Variants in CLNK observed in about 807,000 individuals in gnomAD.
The protein encoded by CLNK is cytokine dependent hematopoietic cell linker, also known as cytokine-dependent hematopoietic cell linker.
CLNK carries 74 observed loss-of-function variants against 68.6 expected under a neutral mutation model. That is an observed-to-expected ratio of 1.08 (90% CI 0.89 to 1.31). The LOEUF (loss-of-function observed/expected upper bound fraction) is 1.31, where lower values mean the gene tolerates loss of function less well. CLNK is among the 50% of genes most tolerant of loss of function. The probability of loss-of-function intolerance (pLI) is 0.00; values close to 1 mark genes in which losing one functional copy is unlikely to be tolerated. For synonymous variants in CLNK, 198 were observed against 172.2 expected, an observed-to-expected ratio of 1.15 and a Z score of -1.17; for missense variants, 553 against 515.3, an observed-to-expected ratio of 1.07 and a Z score of -0.71.
chr4:10,574,614 C>G (rs913044085), intron 4 of CLNK, among the ~76,000 whole-genome samples: 1 of 152,134 alleles, frequency 6.6e-6, no homozygotes, highest in Non-Finnish European at 1.5e-5. Flanking sequence ...CAGACCCTCA[C>G]GCCACTCCCT....
chr4:10,507,695 T>C (rs924939340), intron 17 of CLNK, among the ~76,000 whole-genome samples: 1 of 152,092 alleles, frequency 6.6e-6, no homozygotes, highest in African/African-American at 2.4e-5. Flanking sequence ...TTGTTCAGGC[T>C]GGTCTCAAAC....
intron 2 of CLNK, among the ~76,000 whole-genome samples, chr4:10,657,625 C>T (rs998600328): frequency 3.9e-5 from 6 of 152,104 alleles, no homozygotes; most frequent in South Asian, 2.1e-4. Context: ...GTATAATTTC[C>T]GTTATTCACA....
intron 2 of CLNK, 142 bp downstream of exon 2, chr4:10,667,717 A>C: frequency 3.7e-6 from 1 of 272,062 alleles, no homozygotes; most frequent in South Asian, 7.3e-5. Context: ...CAAAGCCCAC[A>C]ATCTCAACCA....
At chr4:10,583,326 G>A (rs139979076) in intron 4 of CLNK, among the ~76,000 whole-genome samples, 11 of 151,578 alleles carry the variant, frequency 7.3e-5, no homozygotes, top group Non-Finnish European at 8.8e-5. Context: ...CGTCCACAGC[G>A]CCCAGGCTGG....
the CLNK span, among the ~76,000 whole-genome samples, chr4:10,707,225 G>A: frequency 1.3e-5 from 2 of 152,048 alleles, no homozygotes; most frequent in East Asian, 3.9e-4. Context: ...AACAATAACT[G>A]ATGAGCTAAA....
chr4:10,513,546 G>T lies in CLNK; in HGVS notation c.824C>A (p.Ala275Asp). ...PCSPQRCQPP[A>D]SCSPHENILP... ...TATATTTTCGTGAGGGCTGCAGCTG[G>T]CTGGAGGCTGGCATCTCTGAGGAGA... The change falls in exon 16 of 19, where the codon GCC becomes GAC. Residue 275 changes from alanine to aspartate, a missense_variant. Coordinates refer to ENST00000226951, the MANE Select transcript of CLNK (RefSeq NM_052964.4). 6.2e-7 allele frequency: 1 copy of T among 1,608,818 alleles called. No homozygotes were observed. Among genetic ancestry groups the T allele is most frequent in the Non-Finnish European group, 8.5e-7 (1 of 1,177,424 alleles).
chr4:10,515,008 G>A (rs933657788), intron 15 of CLNK, among the ~76,000 whole-genome samples: 8 of 152,270 alleles, frequency 5.3e-5, no homozygotes, highest in East Asian at 3.9e-4. Context: ...AGGCCGAGGC[G>A]GGTCGGATCA....
At chr4:10,640,789 A>G (rs1399929769) in intron 2 of CLNK, among the ~76,000 whole-genome samples, 1 of 152,226 alleles carries the variant, frequency 6.6e-6, no homozygotes, top group Non-Finnish European at 1.5e-5. Context: ...TTGCCCAGGA[A>G]CTGTCCTTGT....
At chr4:10,607,682 T>C (rs1488967641) in intron 2 of CLNK, among the ~76,000 whole-genome samples, 1 of 152,172 alleles carries the variant, frequency 6.6e-6, no homozygotes, top group Non-Finnish European at 1.5e-5. Flanking sequence ...GGGACCTTGC[T>C]CAGAGGGTCC....
At chr4:10,596,242 C>T (rs1721380003) in intron 3 of CLNK, among the ~76,000 whole-genome samples, 3 of 152,158 alleles carry the variant, frequency 2.0e-5, no homozygotes, top group Non-Finnish European at 4.4e-5. Flanking sequence ...TCAGGGTGGT[C>T]TCGAACTCCT....
intron 2 of CLNK, among the ~76,000 whole-genome samples, chr4:10,635,430 G>A (rs757713911): frequency 1.3e-5 from 2 of 152,142 alleles, no homozygotes; most frequent in Non-Finnish European, 2.9e-5. Context: ...TAGCTGTACA[G>A]TACGTGCTCT....
At chr4:10,723,059 C>G in the CLNK span, among the ~76,000 whole-genome samples, 1 of 151,918 alleles carries the variant, frequency 6.6e-6, no homozygotes, top group Non-Finnish European at 1.5e-5. Context: ...AAAAAACAAC[C>G]CCTCTAGACA....
At chr4:10,663,154 A>G (rs543819234) in intron 2 of CLNK, among the ~76,000 whole-genome samples, 103 of 152,306 alleles carry the variant, frequency 6.8e-4, no homozygotes, top group Non-Finnish European at 1.0e-3. Flanking sequence ...ACCAAACCCC[A>G]AGATGCCCTT....
the CLNK span, among the ~76,000 whole-genome samples, chr4:10,692,642 T>C: frequency 1.3e-5 from 2 of 152,106 alleles, no homozygotes; most frequent in Non-Finnish European, 2.9e-5. Context: ...CAAGGAAACG[T>C]TTTCAAAATG....
At chr4:10,563,409 C>T (rs1719973851) in intron 7 of CLNK, among the ~76,000 whole-genome samples, 1 of 152,076 alleles carries the variant, frequency 6.6e-6, no homozygotes, top group Non-Finnish European at 1.5e-5. Flanking sequence ...ATACTGAAAG[C>T]CTTTAAAATG....
the CLNK span, among the ~76,000 whole-genome samples, chr4:10,719,708 T>A: frequency 1.3e-5 from 2 of 152,076 alleles, no homozygotes; most frequent in African/African-American, 4.8e-5. Flanking sequence ...AACAAAACCA[T>A]CAACCGTAGC....
Position 10,588,764 on chromosome 4 carries a change from A to C in CLNK, c.84-3809T>G, listed in dbSNP as rs569541956. 3.1e-4 allele frequency among the ~76,000 whole-genome samples: 47 copies of C among 152,280 alleles called. No individual in the cohort carries two copies. The South Asian group carries it at 8.7e-3, about 28-fold the overall frequency. On this transcript the variant is annotated intron_variant, in intron 3 of 18. Coordinates refer to ENST00000226951, the MANE Select transcript of CLNK (RefSeq NM_052964.4). ...TTACATGATACTACTTTTATGATAC[A>C]TCTAAAATAGTCAAACTCATAGAGG...
chr4:10,599,559 G>A (rs1353126646), intron 2 of CLNK, among the ~76,000 whole-genome samples: 1 of 151,764 alleles, frequency 6.6e-6, no homozygotes, highest in Non-Finnish European at 1.5e-5. Flanking sequence ...TCTCTACTAA[G>A]TTCCAGGCAT....
At chr4:10,493,569 C>T (rs192641935) in intron 18 of CLNK, among the ~76,000 whole-genome samples, 2 of 152,278 alleles carry the variant, frequency 1.3e-5, no homozygotes, top group Admixed American at 1.3e-4. Flanking sequence ...AAAGTCCTCA[C>T]CTCCTAACAC....
Sources: allele counts gnomAD v4.1 joint callset (sites outside exome capture counted in the v4.1 genomes callset), GRCh38; gene constraint gnomAD v4.1.1; transcripts MANE v1.5; gene names NCBI Gene and HGNC (gene_info 2026-07-23, HGNC 2026-07-21).